CBR4: variants seen among roughly 807,000 people sequenced by gnomAD.
CBR4 encodes carbonyl reductase 4.
A neutral mutation model predicts 21.0 loss-of-function variants in CBR4; 22 were observed. The ratio of observed to expected loss-of-function variants is 1.05; its 90% CI spans 0.75 to 1.50. CBR4 has a LOEUF of 1.50. Among genes scored for constraint, CBR4 ranks in the 40% most tolerant of loss-of-function variants. The probability of loss-of-function intolerance (pLI) is 0.00; values close to 1 mark genes in which losing one functional copy is unlikely to be tolerated. For synonymous variants in CBR4, 100 were observed against 104.4 expected (o/e 0.96, Z 0.26); for missense variants, 302 against 286.3 (o/e 1.05, Z -0.40).
chr4:168,895,733 T>C (rs1046950729), intron 2 of CBR4, among the ~76,000 whole-genome samples: 6 of 152,236 alleles, frequency 3.9e-5, no homozygotes, highest in Admixed American at 1.3e-4. Flanking sequence ...CATATATAAG[T>C]GGACCCATGC....
intron 2 of CBR4, among the ~76,000 whole-genome samples, chr4:168,953,091 C>T (rs1356663299): frequency 1.3e-5 from 2 of 152,146 alleles, no homozygotes; most frequent in African/African-American, 4.8e-5. Flanking sequence ...GGTCTTGCTG[C>T]AGCTGCTGTG....
In CBR4 at chr4:168,921,556, A is replaced by C. The variant is rs1761523394; in HGVS notation, n.170-26791T>G. 6.2e-7 allele frequency: 1 copy of C among 1,607,428 alleles called. No homozygotes were observed. On this transcript the variant is annotated intron_variant and non_coding_transcript_variant, in intron 2 of 3. Transcript: ENST00000509108. Reference sequence around the variant, plus strand: ...TAGGTCAGTGGGTTACCAACCCCAGATCTAAGCTGGCAACTAGATGGAAAG... The same window carrying C: ...TAGGTCAGTGGGTTACCAACCCCAGCTCTAAGCTGGCAACTAGATGGAAAG...
At position 168,939,100 on chromosome 4, in the gene CBR4, C is replaced by G. The variant is rs1248955156; in HGVS notation, n.170-44335G>C. Among the ~76,000 whole-genome samples the G allele has an allele frequency of 3.9e-5, 6 of 152,218 alleles. No individual in the cohort carries two copies. In the South Asian group the frequency reaches 1.2e-3, roughly 32 times the overall value. On this transcript the variant is annotated intron_variant and non_coding_transcript_variant, in intron 2 of 3. Coordinates refer to the CBR4 transcript ENST00000509108. ...AGCACATCAAAAAGCTTATCTACCA[C>G]GATCAAGTCGACTTCATCCATGGGA...
chr4:168,971,663 CTGATT>C (rs1380646274), intron 2 of CBR4, among the ~76,000 whole-genome samples: 1 of 151,960 alleles, frequency 6.6e-6, no homozygotes, highest in Non-Finnish European at 1.5e-5. Flanking sequence ...TTTTTTCTTG[CTGATT>C]TGAGTTCCTG....
At chr4:168,926,516 A>AC in intron 2 of CBR4, 1 of 651,198 alleles carries the variant, frequency 1.5e-6, no homozygotes, top group Non-Finnish European at 2.5e-6. Context: ...CACCAAAATA[A>AC]TATTTTTCTT....
chr4:168,912,056 T>TA (rs1759077874), intron 2 of CBR4, among the ~76,000 whole-genome samples: 1 of 152,150 alleles, frequency 6.6e-6, no homozygotes, highest in Non-Finnish European at 1.5e-5. Context: ...CCCCCCCAGT[T>TA]AGAGTCCTGC....
chr4:168,926,199 CT>C (rs1484808732), intron 2 of CBR4: 35 of 1,504,376 alleles, frequency 2.3e-5, no homozygotes, highest in Non-Finnish European at 2.7e-5. Flanking sequence ...TTAATTTACT[CT>C]TTTTCTTTGT....
At chr4:168,940,594 GA>G (rs149661531) in intron 2 of CBR4, among the ~76,000 whole-genome samples, 17 of 147,036 alleles carry the variant, frequency 1.2e-4, no homozygotes, top group East Asian at 2.0e-4. Flanking sequence ...AAATTTACAA[GA>G]AAAAAAAAAC....
At chr4:168,931,574 C>G (rs1370951663) in intron 2 of CBR4, among the ~76,000 whole-genome samples, 4 of 151,924 alleles carry the variant, frequency 2.6e-5, no homozygotes. Context: ...CACCACTGTC[C>G]CAAGCCCAAG....
At chr4:168,894,745 A>T (rs1754757764) in exon 3 of CBR4, 2 of 1,570,014 alleles carry the variant, frequency 1.3e-6, no homozygotes, top group East Asian at 4.8e-5. Context: ...TTCCTTATGG[A>T]TACTGTTCTT....
intron 2 of CBR4, among the ~76,000 whole-genome samples, chr4:168,919,164 G>A (rs566868534): frequency 2.1e-3 from 325 of 152,238 alleles, no homozygotes; most frequent in Non-Finnish European, 3.8e-3. Context: ...GCCATTAAAA[G>A]AATATTGGAA....
intron 2 of CBR4, chr4:168,925,167 T>TAAAC: frequency 6.3e-7 from 1 of 1,582,682 alleles, no homozygotes; most frequent in South Asian, 1.1e-5. Context: ...TTACTCTTTA[T>TAAAC]AAACAACTAT....
intron 2 of CBR4, among the ~76,000 whole-genome samples, chr4:168,925,851 T>C (rs912224400): frequency 6.6e-6 from 1 of 152,188 alleles, no homozygotes; most frequent in African/African-American, 2.4e-5. Flanking sequence ...TCCAGCAGAA[T>C]TCCTAAGTGC....
downstream of CBR4, among the ~76,000 whole-genome samples, chr4:168,984,047 G>A (rs188491694): frequency 2.2e-4 from 34 of 152,198 alleles, no homozygotes; most frequent in Admixed American, 9.2e-4. Context: ...AATATTATAA[G>A]TCCTAGCCAG....
chr4:168,898,798 A>C (rs1009959596), intron 2 of CBR4: 1 of 859,706 alleles, frequency 1.2e-6, no homozygotes, highest in Admixed American at 1.8e-5. Context: ...AGTAGGAGAA[A>C]GAGATACAAA....
chr4:168,941,386 G>A (rs1288582074), intron 2 of CBR4, among the ~76,000 whole-genome samples: 1 of 152,048 alleles, frequency 6.6e-6, no homozygotes, highest in African/African-American at 2.4e-5. Context: ...AGGATACAAA[G>A]ATGGTTCAGT....
At chr4:168,901,776 T>G (rs919514059) in intron 2 of CBR4, among the ~76,000 whole-genome samples, 2 of 152,156 alleles carry the variant, frequency 1.3e-5, no homozygotes, top group African/African-American at 4.8e-5. Flanking sequence ...GAGATTCACT[T>G]GAACCCGGGA....
intron 2 of CBR4, among the ~76,000 whole-genome samples, chr4:168,962,013 A>G (rs939034131): frequency 6.6e-6 from 1 of 150,408 alleles, no homozygotes; most frequent in Non-Finnish European, 1.5e-5. Context: ...GAGAGGAGGA[A>G]GGCAAGCAGG....
At chr4:168,908,996 T>A (rs537425337) in intron 2 of CBR4, among the ~76,000 whole-genome samples, 208 of 152,312 alleles carry the variant, frequency 1.4e-3, no homozygotes, top group Non-Finnish European at 2.4e-3. Context: ...TCTAAACATA[T>A]ACTGGGCTGT....
Sources: gnomAD v4.1 joint callset for allele counts (sites outside exome capture counted in the v4.1 genomes callset) on GRCh38, gnomAD v4.1.1 for gene constraint, MANE v1.5 for transcripts, NCBI Gene and HGNC (gene_info 2026-07-23, HGNC 2026-07-21) for gene names.